GPC6: variants seen among roughly 807,000 people sequenced by gnomAD.
The protein encoded by GPC6 is glypican-6.
Under a neutral mutation model 55.2 loss-of-function variants are expected in GPC6, and 14 were observed. That is an observed-to-expected ratio of 0.25 (90% CI 0.17 to 0.40). GPC6 has a LOEUF of 0.40. Ranked by LOEUF, GPC6 falls within the 10% of genes least tolerant of loss-of-function variation. The probability of loss-of-function intolerance (pLI) is 1.00; values close to 1 mark genes in which losing one functional copy is unlikely to be tolerated. For synonymous variants in GPC6, 278 were observed against 259.6 expected (o/e 1.07, Z -0.68); for missense variants, 641 against 708.5 (o/e 0.90, Z 1.08).
At chr13:94,219,705 C>T (rs1890325805) in intron 4 of GPC6, among the ~76,000 whole-genome samples, 1 of 152,112 alleles carries the variant, frequency 6.6e-6, no homozygotes, top group Admixed American at 6.6e-5. Flanking sequence ...GAGACAGGAG[C>T]AGACACAAAT....
At chr13:94,077,757 T>A (rs1231023547) in intron 4 of GPC6, among the ~76,000 whole-genome samples, 1 of 151,798 alleles carries the variant, frequency 6.6e-6, no homozygotes, top group Non-Finnish European at 1.5e-5. Context: ...ATTCCCTTAA[T>A]GTAGTATTTC....
intron 2 of GPC6, among the ~76,000 whole-genome samples, chr13:93,632,637 A>ATAT (rs1237552998): frequency 4.9e-5 from 7 of 144,212 alleles, no homozygotes; most frequent in Non-Finnish European, 9.2e-5. Flanking sequence ...ATATATATAT[A>ATAT]ATAAAATAAA....
intron 3 of GPC6, among the ~76,000 whole-genome samples, chr13:93,960,809 T>TTC (rs34857389): frequency 0.02 from 2,973 of 147,216 alleles, 128 homozygotes; most frequent in African/African-American, 0.071. Flanking sequence ...GAATTTTTTT[T>TTC]TTTTTCTTTT....
At chr13:93,731,922 G>A (rs1444539235) in intron 2 of GPC6, among the ~76,000 whole-genome samples, 1 of 152,136 alleles carries the variant, frequency 6.6e-6, no homozygotes, top group East Asian at 1.9e-4. Flanking sequence ...GACTTAGGGT[G>A]TGAAATGCTT....
chr13:94,272,463 CTTTTTTTTTTT>C (rs555664508), intron 4 of GPC6, among the ~76,000 whole-genome samples: 1 of 85,744 alleles, frequency 1.2e-5, no homozygotes, highest in African/African-American at 5.6e-5. Flanking sequence ...CTTTTCTTTT[CTTTTTTTTTTT>C]TTTTTTTTTT....
intron 7 of GPC6, among the ~76,000 whole-genome samples, chr13:94,387,332 G>A (rs1341577079): frequency 1.3e-5 from 2 of 152,190 alleles, no homozygotes; most frequent in Non-Finnish European, 2.9e-5. Context: ...AATTGCAAGT[G>A]TGCCCAATCA....
intron 2 of GPC6, among the ~76,000 whole-genome samples, chr13:93,587,486 A>G (rs892357995): frequency 1.3e-5 from 2 of 152,188 alleles, no homozygotes; most frequent in Admixed American, 6.5e-5. Flanking sequence ...AATCACATCA[A>G]TTTGTTAGCT....
At chr13:93,876,112 TTATAC>T (rs1226831745) in intron 3 of GPC6, among the ~76,000 whole-genome samples, 1 of 151,968 alleles carries the variant, frequency 6.6e-6, no homozygotes, top group Non-Finnish European at 1.5e-5. Flanking sequence ...TTAGTAAGAA[TTATAC>T]TAGACATAGG....
intron 1 of GPC6, among the ~76,000 whole-genome samples, chr13:93,491,713 G>A (rs1239788682): frequency 3.7e-5 from 5 of 134,760 alleles, no homozygotes; most frequent in Non-Finnish European, 7.9e-5. Flanking sequence ...TGTAAGGAAG[G>A]GATCCAGTTT....
chr13:93,554,353 C>A (rs767866405), intron 2 of GPC6, among the ~76,000 whole-genome samples: 1 of 152,142 alleles, frequency 6.6e-6, no homozygotes, highest in Non-Finnish European at 1.5e-5. Flanking sequence ...CAATTCCAGG[C>A]TACTTAGCTT....
chr13:93,627,085 A>G (rs113163140), intron 2 of GPC6, among the ~76,000 whole-genome samples: 4,854 of 152,040 alleles, frequency 0.032, 111 homozygotes, highest in Middle Eastern at 0.055. Context: ...TACACATGCC[A>G]TGGTAGTTTG....
chr13:93,490,186 G>A (rs545061629), intron 1 of GPC6, among the ~76,000 whole-genome samples: 37 of 151,578 alleles, frequency 2.4e-4, no homozygotes, highest in African/African-American at 8.7e-4. Flanking sequence ...AAGGGCTGTT[G>A]AATTTTGTCA....
chr13:93,975,073 A>G (rs762105958), intron 3 of GPC6, among the ~76,000 whole-genome samples: 5 of 152,144 alleles, frequency 3.3e-5, no homozygotes, highest in Non-Finnish European at 5.9e-5. Flanking sequence ...AATTGGTAGA[A>G]ATGAAAACTC....
intron 6 of GPC6, among the ~76,000 whole-genome samples, chr13:94,338,919 A>G (rs1025571581): frequency 2.0e-5 from 3 of 152,136 alleles, no homozygotes; most frequent in African/African-American, 7.2e-5. Context: ...GCCATTGCCC[A>G]TAGCTGGAGA....
intron 3 of GPC6, among the ~76,000 whole-genome samples, chr13:93,945,896 T>G (rs938079725): frequency 6.6e-6 from 1 of 152,238 alleles, no homozygotes; most frequent in Non-Finnish European, 1.5e-5. Flanking sequence ...GGAATTTCAT[T>G]TGTTCACCAA....
chr13:94,147,362 A>G (rs1887598984), intron 4 of GPC6, among the ~76,000 whole-genome samples: 1 of 152,130 alleles, frequency 6.6e-6, no homozygotes, highest in South Asian at 2.1e-4. Flanking sequence ...GCTTGGCATC[A>G]TCATTACAGG....
At chr13:94,071,273 A>T (rs1292586742) in intron 4 of GPC6, among the ~76,000 whole-genome samples, 1 of 152,196 alleles carries the variant, frequency 6.6e-6, no homozygotes, top group African/African-American at 2.4e-5. Flanking sequence ...TTTTAAAATT[A>T]ACTGAAAATT....
chr13:94,007,328 T>C (rs745386026), intron 3 of GPC6, among the ~76,000 whole-genome samples: 3 of 152,186 alleles, frequency 2.0e-5, no homozygotes, highest in Non-Finnish European at 2.9e-5. Flanking sequence ...GCACTAGAAA[T>C]AAAGCAGTGA....
At chr13:93,650,492 C>A (rs960872926) in intron 2 of GPC6, among the ~76,000 whole-genome samples, 1 of 85,220 alleles carries the variant, frequency 1.2e-5, no homozygotes. Context: ...GTCAAAGCTG[C>A]GAACTGAAAA....
Sources: allele counts gnomAD v4.1 joint callset (sites outside exome capture counted in the v4.1 genomes callset), GRCh38; gene constraint gnomAD v4.1.1; transcripts MANE v1.5; gene names NCBI Gene and HGNC (gene_info 2026-07-23, HGNC 2026-07-21).